MDGA2: variants seen among roughly 807,000 people sequenced by gnomAD.
MDGA2 encodes MAM domain containing glycosylphosphatidylinositol anchor 2.
In MDGA2, 40 loss-of-function variants were observed where a neutral mutation model predicts 117.8. That is an observed-to-expected ratio of 0.34 (90% CI 0.26 to 0.44). MDGA2 has a LOEUF of 0.44. Among genes scored for constraint, MDGA2 ranks in the 20% least tolerant of loss-of-function variants. The pLI is 1.00. For missense variants in MDGA2, 1,123 were observed against 1,250.6 expected (o/e 0.90, Z 1.54); for synonymous variants, 452 against 439.0 (o/e 1.03, Z -0.37).
At chr14:46,907,434 T>A (rs1380249454) in intron 10 of MDGA2, among the ~76,000 whole-genome samples, 1 of 152,222 alleles carries the variant, frequency 6.6e-6, no homozygotes, top group Non-Finnish European at 1.5e-5. Flanking sequence ...TATATTATTC[T>A]AATGATTAGA....
At chr14:47,537,306 T>C (rs1234196654) in intron 1 of MDGA2, among the ~76,000 whole-genome samples, 1 of 86,266 alleles carries the variant, frequency 1.2e-5, no homozygotes, top group African/African-American at 4.6e-5. Flanking sequence ...GGGCCTGTTG[T>C]CGGGTGGGGG....
intron 3 of MDGA2, among the ~76,000 whole-genome samples, chr14:47,173,539 C>T (rs1171710736): frequency 6.6e-6 from 1 of 152,102 alleles, no homozygotes; most frequent in Non-Finnish European, 1.5e-5. Context: ...ATTTCATATC[C>T]AGCCACACTA....
intron 2 of MDGA2, among the ~76,000 whole-genome samples, chr14:47,276,710 C>T (rs1453280013): frequency 1.3e-5 from 2 of 152,066 alleles, no homozygotes; most frequent in African/African-American, 4.8e-5. Context: ...TATTCTGTGC[C>T]CCAGAAATGT....
intron 1 of MDGA2, among the ~76,000 whole-genome samples, chr14:47,465,058 A>G (rs1157077269): frequency 6.6e-6 from 1 of 152,200 alleles, no homozygotes; most frequent in East Asian, 1.9e-4. Flanking sequence ...CACACTTAGA[A>G]CCACCTGATC....
intron 8 of MDGA2, among the ~76,000 whole-genome samples, chr14:46,989,100 CAT>C (rs1466561233): frequency 6.6e-6 from 1 of 152,070 alleles, no homozygotes; most frequent in East Asian, 1.9e-4. Context: ...TACATGCACT[CAT>C]AATTCTCTGC....
At chr14:47,166,592 G>A (rs1386051555) in intron 3 of MDGA2, among the ~76,000 whole-genome samples, 1 of 152,068 alleles carries the variant, frequency 6.6e-6, no homozygotes, top group African/African-American at 2.4e-5. Flanking sequence ...TCTAAGAATA[G>A]GTCTTTAGAA....
chr14:46,848,768 T>C (rs1880943847), intron 15 of MDGA2, among the ~76,000 whole-genome samples: 2 of 151,904 alleles, frequency 1.3e-5, no homozygotes, highest in African/African-American at 4.8e-5. Context: ...GATTGACTAA[T>C]GTAATTTAAT....
At chr14:47,301,610 A>C in intron 1 of MDGA2, 60 bp from the exon 2 acceptor site, 73 of 1,524,336 alleles carry the variant, frequency 4.8e-5, no homozygotes, top group Non-Finnish European at 4.7e-5. Context: ...TGATCTTCTC[A>C]TGAACCATCT....
rs187745231 is a variant in MDGA2, at chr14:47,136,383, G to T, written c.793-4537C>A. Among the ~76,000 whole-genome samples the T allele has an allele frequency of 1.7e-3, 264 of 151,864 alleles. 3 individuals are homozygous for T. Among genetic ancestry groups the T allele is most frequent in the Non-Finnish European group, 9.4e-4 (64 of 67,938 alleles). On this transcript the variant is annotated intron_variant, in intron 4 of 16. Coordinates refer to ENST00000399232, the MANE Select transcript of MDGA2 (RefSeq NM_001113498.3). ...GGATAATTTTTATATTTTTAGTAGA[G>T]ACGGGATTTCACCATATTGACCAGG...
chr14:47,136,325 T>A (rs1280041559), intron 4 of MDGA2, among the ~76,000 whole-genome samples: 1 of 151,628 alleles, frequency 6.6e-6, no homozygotes, highest in African/African-American at 2.4e-5. Flanking sequence ...GCCTCCCAAG[T>A]AGCTGGGATT....
At chr14:47,600,880 G>T (rs977738979) in intron 1 of MDGA2, among the ~76,000 whole-genome samples, 1 of 152,098 alleles carries the variant, frequency 6.6e-6, no homozygotes. Flanking sequence ...ATGATTTAAT[G>T]AGCAACTTTA....
At chr14:47,292,695 C>A (rs1170238196) in intron 2 of MDGA2, among the ~76,000 whole-genome samples, 1 of 152,164 alleles carries the variant, frequency 6.6e-6, no homozygotes. Context: ...GTTTCCCTTT[C>A]AACCAGTAAG....
chr14:46,874,014 G>A lies in MDGA2; in HGVS notation c.2593+31C>T, dbSNP rs1201601769. 17 of 1,500,436 alleles carry A rather than the reference G, an allele frequency of 1.1e-5. No individual in the cohort carries two copies. In the East Asian group the frequency reaches 1.8e-4, roughly 16 times the overall value. 92.9% of individuals were successfully genotyped at this position (1,500,436 alleles called of 1,614,324 possible). A position where few individuals can be genotyped will look rare whatever the true frequency, so the allele number is the denominator to read the frequency against. On this transcript the variant is annotated intron_variant, in intron 13 of 16. Transcript: ENST00000399232. ...TAGCAGTTTTTAAAAGTCTCTGATT[G>A]CTATGAACACAAAAGGTCATACCCC...
chr14:47,262,032 C>T (rs1339628914), intron 2 of MDGA2, among the ~76,000 whole-genome samples: 1 of 152,046 alleles, frequency 6.6e-6, no homozygotes, highest in Non-Finnish European at 1.5e-5. Context: ...TTCCAGAATC[C>T]AGACACACAG....
chr14:46,928,188 G>T (rs1443010828), intron 9 of MDGA2, among the ~76,000 whole-genome samples: 1 of 151,760 alleles, frequency 6.6e-6, no homozygotes, highest in African/African-American at 2.4e-5. Flanking sequence ...TTATTAATCT[G>T]GAAAACTTTT....
chr14:46,868,370 G>A (rs1054009691), intron 14 of MDGA2, among the ~76,000 whole-genome samples: 1 of 151,858 alleles, frequency 6.6e-6, no homozygotes, highest in Non-Finnish European at 1.5e-5. Flanking sequence ...TTTACATGCA[G>A]GGCAGGGTGT....
chr14:47,611,435 G>A (rs964511814), intron 1 of MDGA2, among the ~76,000 whole-genome samples: 1 of 151,986 alleles, frequency 6.6e-6, no homozygotes, highest in Non-Finnish European at 1.5e-5. Flanking sequence ...CACAGAGTGG[G>A]AGAAAATCTT....
intron 3 of MDGA2, among the ~76,000 whole-genome samples, chr14:47,156,331 C>T (rs1408341786): frequency 2.6e-5 from 4 of 152,110 alleles, no homozygotes; most frequent in Non-Finnish European, 4.4e-5. Flanking sequence ...TCAAGGCATA[C>T]GCTTTCTTAA....
At chr14:47,177,975 A>T (rs906253854) in intron 3 of MDGA2, among the ~76,000 whole-genome samples, 1 of 152,102 alleles carries the variant, frequency 6.6e-6, no homozygotes, top group Non-Finnish European at 1.5e-5. Flanking sequence ...ATATATAGTA[A>T]TATTTCATCA....
Sources: gnomAD v4.1 joint callset for allele counts (sites outside exome capture counted in the v4.1 genomes callset) on GRCh38, gnomAD v4.1.1 for gene constraint, MANE v1.5 for transcripts, NCBI Gene and HGNC (gene_info 2026-07-23, HGNC 2026-07-21) for gene names.